The following BMP1 variants were observed in gnomAD, a reference collection of about 807,000 sequenced individuals.
BMP1 encodes the protein mammalian tolloid protein.
BMP1 carries 63 observed loss-of-function variants against 116.8 expected under a neutral mutation model. The observed-to-expected ratio is 0.54, with a 90% CI of 0.44 to 0.67. BMP1 has a LOEUF of 0.67. BMP1 is among the 30% of genes least tolerant of loss of function. The probability of loss-of-function intolerance (pLI) is 0.00; values close to 1 mark genes in which losing one functional copy is unlikely to be tolerated. For synonymous variants in BMP1, 536 were observed against 533.4 expected, an observed-to-expected ratio of 1.00 and a Z score of -0.07; for missense variants, 1,183 against 1,358.9, an observed-to-expected ratio of 0.87 and a Z score of 2.04.
chr8:22,188,874 G>A (rs1040092162), intron 8 of BMP1, among the ~76,000 whole-genome samples: 1 of 152,200 alleles, frequency 6.6e-6, no homozygotes, highest in East Asian at 1.9e-4. Context: ...AGGAAAGCGG[G>A]CGCTTGTCCT....
chr8:22,199,140 C>T lies in BMP1; in HGVS notation c.2107+1720C>T, dbSNP rs528835024. 22 of 1,367,676 alleles carry T rather than the reference C, an allele frequency of 1.6e-5. No individual in the cohort carries two copies. The East Asian group carries it at 3.2e-4, about 20-fold the overall frequency. 84.7% of individuals were successfully genotyped at this position (1,367,676 alleles called of 1,614,324 possible). A position where few individuals can be genotyped will look rare whatever the true frequency, so the allele number is the denominator to read the frequency against. ...CCTCAGCCCTGCACGGAGACACACA[C>T]GCCCACACGCACACACATGTGCACA... is the stretch of plus-strand genomic sequence containing the variant. On this transcript the variant is annotated intron_variant, in intron 15 of 19. Coordinates refer to ENST00000306385, the MANE Select transcript of BMP1 (RefSeq NM_006129.5).
intron 8 of BMP1, among the ~76,000 whole-genome samples, chr8:22,187,358 G>A (rs1274447537): frequency 6.6e-6 from 1 of 151,040 alleles, no homozygotes; most frequent in Non-Finnish European, 1.5e-5. Flanking sequence ...TTGAGATGGA[G>A]TCTCGCTCTG....
intron 8 of BMP1, among the ~76,000 whole-genome samples, chr8:22,191,104 C>T (rs1354708505): frequency 6.6e-6 from 1 of 152,198 alleles, no homozygotes; most frequent in African/African-American, 2.4e-5. Flanking sequence ...AACATTCCTC[C>T]AGTAGCGAGC....
At chr8:22,171,468 CACG>C (rs1258285789) in intron 1 of BMP1, 5 of 152,226 alleles carry the variant, frequency 3.3e-5, no homozygotes, top group Non-Finnish European at 5.9e-5. Flanking sequence ...GTGTCATTAT[CACG>C]ACTATTATTT....
intron 8 of BMP1, among the ~76,000 whole-genome samples, chr8:22,190,713 C>T (rs1586456535): frequency 6.6e-6 from 1 of 152,174 alleles, no homozygotes; most frequent in South Asian, 2.1e-4. Flanking sequence ...AGCTCCTCCC[C>T]GACTAGCATT....
chr8:22,194,451 G>A lies in BMP1; in HGVS notation c.1304G>A (p.Cys435Tyr). ...KGFFAVYEAI[C>Y]GGDVKKDYGH... ...CCATCCTGTGTCCCCACAGCCATCT[G>A]CGGGGGTGATGTGAAAAAGGACTAT... is the stretch of plus-strand genomic sequence containing the variant. Residue 435 changes from cysteine to tyrosine, a missense_variant, in exon 11 of 20, where the codon TGC (cysteine) becomes TAC (tyrosine). This residue lies in a region of BMP1 where 956 missense variants were observed against 1,135.2 expected (regional missense o/e 0.84). Coordinates refer to ENST00000306385, the MANE Select transcript of BMP1 (RefSeq NM_006129.5). The surrounding 1 kb of genome is among the most constrained non-coding windows in gnomAD (Gnocchi z 4.5). 1 of 1,614,098 alleles carries A rather than the reference G, an allele frequency of 6.2e-7. No individual in the cohort carries two copies. Among genetic ancestry groups the A allele is most frequent in the Non-Finnish European group, 8.5e-7 (1 of 1,180,012 alleles).
At chr8:22,207,077 C>G in intron 17 of BMP1, 96 bp downstream of exon 17, 2 of 1,545,986 alleles carry the variant, frequency 1.3e-6, no homozygotes, top group South Asian at 2.4e-5. Context: ...GCCCAGAGGT[C>G]TGCCATCCCC....
chr8:22,201,001 C>CCCCCCCAA, intron 15 of BMP1: 3 of 371,488 alleles, frequency 8.1e-6, no homozygotes, highest in Non-Finnish European at 5.2e-6. Flanking sequence ...CCGCCCCACC[C>CCCCCCCAA]TGCCCCTCAG....
At position 22,193,802 on chromosome 8, in the gene BMP1, A is replaced by T. The variant is rs539258740; in HGVS notation, c.1181-256A>T. ...CCATCTCAAAAAAATAAAATAAGATAAAATGAAAAATAAAGATCTACCTTT... is the reference window on the plus strand; with the variant it reads ...CCATCTCAAAAAAATAAAATAAGATTAAATGAAAAATAAAGATCTACCTTT... On this transcript the variant is annotated intron_variant, in intron 9 of 19. Transcript: ENST00000306385. 2.1e-4 allele frequency among the ~76,000 whole-genome samples: 32 copies of T among 152,356 alleles called. No individual in the cohort carries two copies. The East Asian group carries it at 5.8e-3, about 28-fold the overall frequency.
intron 5 of BMP1, chr8:22,177,636 T>C: frequency 1.3e-6 from 1 of 761,158 alleles, no homozygotes; most frequent in Non-Finnish European, 2.4e-6. Context: ...CCATGTTCCC[T>C]TGAGTCCTCC....
Position 22,201,098 on chromosome 8 carries a change from CCTT to C in BMP1, c.2108-702_2108-700del, listed in dbSNP as rs776081851. On this transcript the variant is annotated intron_variant, in intron 15 of 19. Transcript: ENST00000306385. ...ACCCCCACCCCTTGGTCCCTTTTCTCCTTCTCTCTCTCGTTTCAGAAAAGAGGC... is the reference window on the plus strand; with the variant it reads ...ACCCCCACCCCTTGGTCCCTTTTCTCCTCTCTCTCGTTTCAGAAAAGAGGC... The C allele has an allele frequency of 4.0e-5, 56 of 1,391,120 alleles. No homozygotes were observed. In the East Asian group the frequency reaches 1.1e-3, roughly 28 times the overall value. 86.2% of individuals were successfully genotyped at this position (1,391,120 alleles called of 1,614,324 possible).
intron 16 of BMP1, among the ~76,000 whole-genome samples, chr8:22,204,877 G>A (rs1829325115): frequency 6.6e-6 from 1 of 152,198 alleles, no homozygotes; most frequent in Non-Finnish European, 1.5e-5. Flanking sequence ...AAAGGAGAGC[G>A]ATGGGCTGTA....
chr8:22,187,340 T>A (rs1254017458), intron 8 of BMP1, among the ~76,000 whole-genome samples: 1 of 150,522 alleles, frequency 6.6e-6, no homozygotes, highest in South Asian at 2.1e-4. Flanking sequence ...TTTATTTATT[T>A]ATTTATTTTG....
At chr8:22,195,398 G>A in intron 12 of BMP1, 64 bp from the exon 13 acceptor site, 1 of 1,547,828 alleles carries the variant, frequency 6.5e-7, no homozygotes, top group Non-Finnish European at 8.7e-7. Context: ...GACAAGTGAG[G>A]CTCACAGCCA....
chr8:22,198,949 C>T (rs1191892854), intron 15 of BMP1: 32 of 1,267,644 alleles, frequency 2.5e-5, no homozygotes, highest in Non-Finnish European at 3.1e-5. Context: ...GTAACACCCA[C>T]TCGGGGCAGG....
intron 19 of BMP1, among the ~76,000 whole-genome samples, chr8:22,211,230 C>G (rs1039255719): frequency 6.6e-6 from 1 of 152,340 alleles, no homozygotes; most frequent in East Asian, 1.9e-4. Context: ...ACTTTGACAT[C>G]GGTGCAGTCC....
At chr8:22,200,840 A>G (rs1017447813) in intron 15 of BMP1, among the ~76,000 whole-genome samples, 11 of 152,070 alleles carry the variant, frequency 7.2e-5, no homozygotes, top group Non-Finnish European at 1.5e-5. Flanking sequence ...ATGCACGCCT[A>G]GTGGGCTACG....
In BMP1 at chr8:22,176,954, C is replaced by T; in HGVS notation, c.552-7C>T. 1.2e-6 allele frequency: 2 copies of T among 1,605,894 alleles called. No homozygotes were observed. On this transcript the variant is annotated splice_polypyrimidine_tract_variant and splice_region_variant and intron_variant, in intron 4 of 19. Transcript: ENST00000306385. ...GACCGCCCCCCTGAGCTGGCCCCGC[C>T]CTCCAGGTGCTGCTCCTACGTGGGT...
chr8:22,181,645 C>G (rs897579434), intron 8 of BMP1, among the ~76,000 whole-genome samples: 3 of 151,946 alleles, frequency 2.0e-5, no homozygotes, highest in African/African-American at 7.3e-5. Flanking sequence ...CTCTGCCGCC[C>G]AGGGTCAAGC....
Sources: allele counts gnomAD v4.1 joint callset (sites outside exome capture counted in the v4.1 genomes callset), GRCh38; gene constraint gnomAD v4.1.1; regional missense constraint gnomAD v4.1.1; non-coding constraint Gnocchi (gnomAD v3.1); transcripts MANE v1.5; gene names NCBI Gene and HGNC (gene_info 2026-07-23, HGNC 2026-07-21).